Variants in NOS1AP observed in about 807,000 individuals in gnomAD.
NOS1AP encodes nitric oxide synthase 1 adaptor protein.
In NOS1AP, 21 loss-of-function variants were observed where a neutral mutation model predicts 56.2. That is an observed-to-expected ratio of 0.37 (90% CI 0.26 to 0.54). The LOEUF is 0.54. Ranked by LOEUF, NOS1AP falls within the 20% of genes least tolerant of loss-of-function variation. The pLI is 0.84. For synonymous variants in NOS1AP, 270 were observed against 274.6 expected, an observed-to-expected ratio of 0.98 and a Z score of 0.17; for missense variants, 522 against 657.8, an observed-to-expected ratio of 0.79 and a Z score of 2.26.
At chr1:162,215,365 C>A (rs546859991) in intron 2 of NOS1AP, among the ~76,000 whole-genome samples, 2 of 152,232 alleles carry the variant, frequency 1.3e-5, no homozygotes, top group African/African-American at 4.8e-5. Flanking sequence ...ACTGGTGATG[C>A]ACTGGACCTT....
At chr1:162,196,762 A>C (rs1651817960) in intron 2 of NOS1AP, among the ~76,000 whole-genome samples, 1 of 152,238 alleles carries the variant, frequency 6.6e-6, no homozygotes, top group Admixed American at 6.5e-5. Context: ...TATTTAAATA[A>C]TCATAAATTT....
At chr1:162,202,070 T>C (rs1267051844) in intron 2 of NOS1AP, among the ~76,000 whole-genome samples, 1 of 152,176 alleles carries the variant, frequency 6.6e-6, no homozygotes, top group African/African-American at 2.4e-5. Flanking sequence ...GGGTTTTAAA[T>C]ATCTGAAAGG....
intron 2 of NOS1AP, among the ~76,000 whole-genome samples, chr1:162,202,435 C>T (rs892277060): frequency 2.0e-5 from 3 of 152,004 alleles, no homozygotes; most frequent in African/African-American, 7.2e-5. Context: ...TTGAATCTTA[C>T]ATTTGATGTA....
chr1:162,157,776 C>T (rs1275735447), intron 2 of NOS1AP, among the ~76,000 whole-genome samples: 1 of 152,118 alleles, frequency 6.6e-6, no homozygotes, highest in African/African-American at 2.4e-5. Context: ...TGTGATGTGC[C>T]CCATTCATTC....
chr1:162,293,111 A>T (rs918118087), intron 3 of NOS1AP, among the ~76,000 whole-genome samples: 1 of 152,206 alleles, frequency 6.6e-6, no homozygotes, highest in South Asian at 2.1e-4. Context: ...TTTGAAATGC[A>T]CGTTCCTATA....
At chr1:162,341,896 C>T (rs16860460) in intron 5 of NOS1AP, among the ~76,000 whole-genome samples, 6,715 of 152,268 alleles carry the variant, frequency 0.044, 233 homozygotes, top group East Asian at 0.18. Context: ...GTTCCTAGCC[C>T]ACATTTGTTA....
In NOS1AP at chr1:162,251,869, G is replaced by GTTTTTTTTTTTTTTTTTT. The variant is rs57313228; in HGVS notation, c.178-35472_178-35455dup. 5.8e-4 allele frequency among the ~76,000 whole-genome samples: 48 copies of GTTTTTTTTTTTTTTTTTT among 82,122 alleles called. 1 individual carries two copies. The highest frequency in any genetic ancestry group is 8.1e-4 in the Admixed American group (4 of 4,956). The allele number at this position is 82,122 out of a possible 152,430, so 53.9% of individuals were successfully genotyped here. On this transcript the variant is annotated intron_variant, in intron 2 of 9. Transcript: ENST00000361897. ...CACCTAGCTAGTTGTTTTTTTTTTT[G>GTTTTTTTTTTTTTTTTTT]TTTTTTTTTTTTTTTTTTTTGTGGA...
rs756515699 is a variant in NOS1AP at position 162,113,492 on chromosome 1, T to G, written c.106-40913T>G. ...TAGTTTATAAAGAAAAGAGGTTTAA[T>G]TGGCTCATGATTCTGCAGGCCGTAC... is the stretch of plus-strand genomic sequence containing the variant. On this transcript the variant is annotated intron_variant, in intron 1 of 9. Coordinates refer to ENST00000361897, the MANE Select transcript of NOS1AP (RefSeq NM_014697.3). 7.9e-5 allele frequency among the ~76,000 whole-genome samples: 12 copies of G among 152,270 alleles called. No homozygotes were observed. The South Asian group carries it at 2.5e-3, about 32-fold the overall frequency.
intron 1 of NOS1AP, 37 bp from the exon 2 acceptor site, chr1:162,154,368 C>A (rs377494943): frequency 1.3e-6 from 2 of 1,599,372 alleles, no homozygotes; most frequent in East Asian, 2.2e-5. Flanking sequence ...ACACTTGCTA[C>A]CCCTCCTCTC....
chr1:162,103,715 C>T lies in NOS1AP; in HGVS notation c.105+33433C>T, dbSNP rs183436909. Among the ~76,000 whole-genome samples the T allele has an allele frequency of 2.0e-5, 3 of 152,162 alleles. No individual in the cohort carries two copies. In the East Asian group the frequency reaches 5.8e-4, roughly 29 times the overall value. On this transcript the variant is annotated intron_variant, in intron 1 of 9. Transcript: ENST00000361897. Reference sequence around the variant, plus strand: ...TCTTTGTCTTTTTTGATCTTTGTTGCTTTAAAGTCTGTTTTGTCAGAAACT... The same window carrying T: ...TCTTTGTCTTTTTTGATCTTTGTTGTTTTAAAGTCTGTTTTGTCAGAAACT...
At chr1:162,240,283 G>A (rs979456944) in intron 2 of NOS1AP, among the ~76,000 whole-genome samples, 50 of 151,442 alleles carry the variant, frequency 3.3e-4, no homozygotes, top group Non-Finnish European at 5.3e-4. Flanking sequence ...GTGTGTGTGT[G>A]TTGAGGCATG....
At chr1:162,244,937 A>G (rs914827956) in intron 2 of NOS1AP, among the ~76,000 whole-genome samples, 2 of 152,190 alleles carry the variant, frequency 1.3e-5, no homozygotes, top group African/African-American at 4.8e-5. Flanking sequence ...CAAGGATATG[A>G]GAAGATCTAC....
chr1:162,332,524 G>C (rs1030088577), intron 4 of NOS1AP, among the ~76,000 whole-genome samples: 1 of 152,152 alleles, frequency 6.6e-6, no homozygotes, highest in Non-Finnish European at 1.5e-5. Flanking sequence ...CAGGCAGAGA[G>C]GGGACAGAGA....
intron 1 of NOS1AP, among the ~76,000 whole-genome samples, chr1:162,098,736 T>C (rs973207796): frequency 6.6e-6 from 1 of 152,196 alleles, no homozygotes; most frequent in Admixed American, 6.5e-5. Flanking sequence ...ATCTTTCAGC[T>C]CTCACTTATA....
chr1:162,279,203 C>A (rs573872763), intron 2 of NOS1AP, among the ~76,000 whole-genome samples: 3 of 152,256 alleles, frequency 2.0e-5, no homozygotes, highest in African/African-American at 7.2e-5. Context: ...GCCCTTCAGG[C>A]CCCTTAATCA....
chr1:162,259,794 C>T (rs538386777), intron 2 of NOS1AP, among the ~76,000 whole-genome samples: 1 of 152,196 alleles, frequency 6.6e-6, no homozygotes, highest in Non-Finnish European at 1.5e-5. Context: ...TTTAATCTGG[C>T]TTACATAAGG....
chr1:162,322,686 C>T (rs1351212870), intron 4 of NOS1AP, among the ~76,000 whole-genome samples: 1 of 152,192 alleles, frequency 6.6e-6, no homozygotes, highest in Non-Finnish European at 1.5e-5. Flanking sequence ...CTCTTACCCA[C>T]GTGTCCCCTG....
At chr1:162,361,618 G>A (rs12122048) in intron 8 of NOS1AP, among the ~76,000 whole-genome samples, 52,042 of 152,020 alleles carry the variant, frequency 0.34, 9,129 homozygotes, top group Middle Eastern at 0.43. Context: ...AGCAGCAGTG[G>A]GTGCTCACAT....
At chr1:162,347,345 C>T (rs927735892) in intron 6 of NOS1AP, among the ~76,000 whole-genome samples, 1 of 152,188 alleles carries the variant, frequency 6.6e-6, no homozygotes, top group African/African-American at 2.4e-5. Context: ...AAAGTTTAAC[C>T]AGAAAGTAAA....
Sources: gnomAD v4.1 joint callset for allele counts (sites outside exome capture counted in the v4.1 genomes callset) on GRCh38, gnomAD v4.1.1 for gene constraint, MANE v1.5 for transcripts, NCBI Gene and HGNC (gene_info 2026-07-23, HGNC 2026-07-21) for gene names.